MAP2K5: variants seen among roughly 807,000 people sequenced by gnomAD.
MAP2K5 encodes the protein dual specificity mitogen-activated protein kinase kinase 5.
Under a neutral mutation model 83.1 loss-of-function variants are expected in MAP2K5, and 49 were observed. The observed-to-expected ratio is 0.59, with a 90% CI of 0.47 to 0.75. The LOEUF (loss-of-function observed/expected upper bound fraction) is 0.75, where lower values mean the gene tolerates loss of function less well. MAP2K5 is among the 30% of genes least tolerant of loss of function. MAP2K5 has a pLI of 0.00. For missense variants in MAP2K5, 457 were observed against 557.5 expected (o/e 0.82, Z 1.82); for synonymous variants, 202 against 191.8 (o/e 1.05, Z -0.44).
intron 13 of MAP2K5, among the ~76,000 whole-genome samples, chr15:67,686,158 C>T (rs554271282): frequency 2.6e-5 from 4 of 152,188 alleles, no homozygotes; most frequent in Admixed American, 6.5e-5. Flanking sequence ...TCAATAATTA[C>T]GTTAAGTGTG....
intron 7 of MAP2K5, among the ~76,000 whole-genome samples, chr15:67,594,822 C>CA (rs536899247): frequency 1.3e-4 from 20 of 151,784 alleles, no homozygotes; most frequent in Admixed American, 8.5e-4. Context: ...CCTCAAAAAC[C>CA]AAAAAAACCC....
intron 4 of MAP2K5, among the ~76,000 whole-genome samples, chr15:67,584,112 T>A (rs1254189499): frequency 6.6e-6 from 1 of 152,104 alleles, no homozygotes; most frequent in Non-Finnish European, 1.5e-5. Context: ...GGATAGTAAC[T>A]CCCAGGTCAT....
At chr15:67,582,820 C>T (rs1567288725) in intron 4 of MAP2K5, among the ~76,000 whole-genome samples, 1 of 74,994 alleles carries the variant, frequency 1.3e-5, no homozygotes, top group South Asian at 5.6e-4. Context: ...TACATTGTCT[C>T]AAAACACACA....
intron 21 of MAP2K5, 37 bp from the exon 22 acceptor site, chr15:67,806,609 A>G (rs778366740): frequency 7.2e-6 from 11 of 1,532,554 alleles, no homozygotes; most frequent in Non-Finnish European, 9.7e-6. Context: ...CGGGAGTCCG[A>G]GGACTGCCTG....
At chr15:67,674,307 C>T (rs905886138) in intron 13 of MAP2K5, among the ~76,000 whole-genome samples, 3 of 152,032 alleles carry the variant, frequency 2.0e-5, no homozygotes, top group African/African-American at 7.2e-5. Flanking sequence ...TCAGATGGGT[C>T]TGGAAGGAGG....
chr15:67,663,556 AT>A (rs1362213955), intron 12 of MAP2K5, among the ~76,000 whole-genome samples: 1 of 152,054 alleles, frequency 6.6e-6, no homozygotes, highest in Non-Finnish European at 1.5e-5. Context: ...CCACTGCCTT[AT>A]TTCATTAGTT....
Position 67,724,391 on chromosome 15 carries a change from A to T in MAP2K5, c.1045-3525A>T, listed in dbSNP as rs868244099. Among the ~76,000 whole-genome samples, 27 of 151,258 alleles carry T rather than the reference A, an allele frequency of 1.8e-4. No homozygotes were observed. The highest frequency in any genetic ancestry group is 3.5e-4 in the Non-Finnish European group (24 of 67,842). On this transcript the variant is annotated intron_variant, in intron 16 of 21. Coordinates refer to ENST00000178640, the MANE Select transcript of MAP2K5 (RefSeq NM_145160.3). This position sits in a 1 kb window ranked among gnomAD's most constrained non-coding sequence, Gnocchi z 4.4. ...CCTCGTGGAGAACTCGTTCTTTTTT[A>T]TTTATTTATTTATTTATTTTTTGAG...
At position 67,677,752 on chromosome 15, in the gene MAP2K5, G is replaced by A. The variant is rs2087715045; in HGVS notation, c.847+13107G>A. ...AATCTAAGATTCACCACTTTAGAAG[G>A]AAATCTCTTTTACTTACTATGAAAG... On this transcript the variant is annotated intron_variant, in intron 13 of 21. Transcript: ENST00000178640. This position sits in a 1 kb window ranked among gnomAD's most constrained non-coding sequence, Gnocchi z 4.2. 6.6e-6 allele frequency among the ~76,000 whole-genome samples: 1 copy of A among 152,152 alleles called. No individual in the cohort carries two copies. The highest frequency in any genetic ancestry group is 2.4e-5 in the African/African-American group (1 of 41,422).
rs1026160111 is a variant in MAP2K5 at position 67,573,536 on chromosome 15, A to C, written c.253-7218A>C. 6.6e-6 allele frequency among the ~76,000 whole-genome samples: 1 copy of C among 151,992 alleles called. No homozygotes were observed. Among genetic ancestry groups the C allele is most frequent in the East Asian group, 1.9e-4 (1 of 5,182 alleles). Reference sequence around the variant, plus strand: ...CTCACAGGACCCCTCCTCCAATTAAACATGAGATTTGTGGGCGGGTACACA... The same window carrying C: ...CTCACAGGACCCCTCCTCCAATTAACCATGAGATTTGTGGGCGGGTACACA... On this transcript the variant is annotated intron_variant, in intron 3 of 21. Transcript: ENST00000178640. This position sits in a 1 kb window ranked among gnomAD's most constrained non-coding sequence, Gnocchi z 4.2.
intron 17 of MAP2K5, among the ~76,000 whole-genome samples, chr15:67,729,084 A>G (rs2141249301): frequency 6.6e-6 from 1 of 152,330 alleles, no homozygotes; most frequent in South Asian, 2.1e-4. Context: ...TCTTTTCCTT[A>G]TAGAGAAAAT....
At chr15:67,673,996 G>A (rs1209651818) in intron 13 of MAP2K5, among the ~76,000 whole-genome samples, 2 of 151,968 alleles carry the variant, frequency 1.3e-5, no homozygotes, top group Admixed American at 6.6e-5. Context: ...GTACACACAC[G>A]TGCCTCCATG....
intron 20 of MAP2K5, among the ~76,000 whole-genome samples, chr15:67,772,041 G>T (rs955345275): frequency 6.6e-6 from 1 of 152,176 alleles, no homozygotes; most frequent in Non-Finnish European, 1.5e-5. Flanking sequence ...TGGAAGACAA[G>T]AAATATTTTG....
Position 67,657,177 on chromosome 15 carries a change from T to A in MAP2K5, c.737-1376T>A, listed in dbSNP as rs544330744. On this transcript the variant is annotated intron_variant, in intron 11 of 21. Coordinates refer to ENST00000178640, the MANE Select transcript of MAP2K5 (RefSeq NM_145160.3). ...TACTGATAATGGTGGTAAGGTAATC[T>A]TTGTTTTTTAGGTTTAGCTTGTTGA... Among the ~76,000 whole-genome samples, 3 of 152,312 alleles carry A rather than the reference T, an allele frequency of 2.0e-5. No homozygotes were observed. In the South Asian group the frequency reaches 6.2e-4, roughly 32 times the overall value.
At chr15:67,632,195 G>A (rs886954466) in intron 9 of MAP2K5, among the ~76,000 whole-genome samples, 2 of 151,314 alleles carry the variant, frequency 1.3e-5, no homozygotes, top group African/African-American at 2.4e-5. Flanking sequence ...CACCTCACAG[G>A]TCCAAGAGAT....
chr15:67,599,582 CT>C (rs1367638320), intron 7 of MAP2K5, among the ~76,000 whole-genome samples: 1 of 152,038 alleles, frequency 6.6e-6, no homozygotes, highest in Non-Finnish European at 1.5e-5. Flanking sequence ...TAAAGCTTTG[CT>C]ATACTGGTCT....
intron 16 of MAP2K5, among the ~76,000 whole-genome samples, chr15:67,714,059 A>C (rs1169331675): frequency 6.6e-6 from 1 of 152,178 alleles, no homozygotes; most frequent in African/African-American, 2.4e-5. Flanking sequence ...CACCTTTTAC[A>C]TGTCAAACAC....
chr15:67,632,566 T>A (rs1008611798), intron 9 of MAP2K5, among the ~76,000 whole-genome samples: 11 of 152,182 alleles, frequency 7.2e-5, no homozygotes, highest in Non-Finnish European at 4.4e-5. Flanking sequence ...AAAGCTCATC[T>A]CCTCTGTTAC....
chr15:67,739,122 A>G (rs2089411033), intron 17 of MAP2K5, among the ~76,000 whole-genome samples: 1 of 151,900 alleles, frequency 6.6e-6, no homozygotes. Flanking sequence ...TCTACAAAAA[A>G]TTTAAAAACC....
intron 8 of MAP2K5, among the ~76,000 whole-genome samples, chr15:67,606,352 C>G (rs1444183875): frequency 2.0e-5 from 3 of 152,158 alleles, no homozygotes; most frequent in Admixed American, 2.0e-4. Context: ...ATCTCCAGCT[C>G]CTTCCCACAG....
Sources: allele counts gnomAD v4.1 joint callset (sites outside exome capture counted in the v4.1 genomes callset), GRCh38; gene constraint gnomAD v4.1.1; non-coding constraint Gnocchi (gnomAD v3.1); transcripts MANE v1.5; gene names NCBI Gene and HGNC (gene_info 2026-07-23, HGNC 2026-07-21).